CAMSAP1: variants seen among roughly 807,000 people sequenced by gnomAD.
The protein encoded by CAMSAP1 is calmodulin-regulated spectrin-associated protein 1.
CAMSAP1 carries 58 observed loss-of-function variants against 143.5 expected under a neutral mutation model. The ratio of observed to expected loss-of-function variants is 0.40; its 90% CI spans 0.33 to 0.50. The LOEUF is 0.50. CAMSAP1 is among the 20% of genes least tolerant of loss of function. CAMSAP1 has a pLI of 0.45. For missense variants in CAMSAP1, 1,969 were observed against 2,115.7 expected (o/e 0.93, Z 1.36); for synonymous variants, 945 against 859.3 (o/e 1.10, Z -1.74).
At chr9:135,833,052 A>G (rs1247029922) in intron 7 of CAMSAP1, among the ~76,000 whole-genome samples, 1 of 151,738 alleles carries the variant, frequency 6.6e-6, no homozygotes, top group African/African-American at 2.4e-5. Context: ...ATGGAACCAC[A>G]AAAGACCCAA....
At chr9:135,817,890 T>A in intron 14 of CAMSAP1, 87 bp downstream of exon 14, 2 of 983,232 alleles carry the variant, frequency 2.0e-6, no homozygotes, top group Non-Finnish European at 3.1e-6. Context: ...TACAAAAGCC[T>A]CTCTCACCGT....
chr9:135,882,295 G>T lies in CAMSAP1; in HGVS notation c.424-501C>A, dbSNP rs1055577654. Among the ~76,000 whole-genome samples the T allele has an allele frequency of 6.6e-6, 1 of 152,092 alleles. No homozygotes were observed. Among genetic ancestry groups the T allele is most frequent in the African/African-American group, 2.4e-5 (1 of 41,428 alleles). Reference sequence around the variant, plus strand: ...TCTCTTCAACCACCGCACGGCACCCGCAGTCTCACCGGGAACGCCATGGGA... The same window carrying T: ...TCTCTTCAACCACCGCACGGCACCCTCAGTCTCACCGGGAACGCCATGGGA... On this transcript the variant is annotated intron_variant, in intron 2 of 16. Transcript: ENST00000389532. The surrounding 1 kb of genome is among the most constrained non-coding windows in gnomAD (Gnocchi z 4.9).
At chr9:135,887,411 A>G (rs376482056) in intron 1 of CAMSAP1, among the ~76,000 whole-genome samples, 20 of 152,334 alleles carry the variant, frequency 1.3e-4, no homozygotes, top group African/African-American at 4.8e-4. Flanking sequence ...CACAGAAGGA[A>G]GGAAGTGAGA....
At position 135,819,693 on chromosome 9, in the gene CAMSAP1, A is replaced by T. The variant is rs562070738; in HGVS notation, c.3823-547T>A. Among the ~76,000 whole-genome samples the T allele has an allele frequency of 6.2e-3, 934 of 151,456 alleles. 6 individuals carry two copies. The highest frequency in any genetic ancestry group is 0.021 in the African/African-American group (868 of 41,290). ...CACTTAAAAAAAAAAAAAAAAAAAA[A>T]AAAATTAGCCGGGCATGGTGGCACA... On this transcript the variant is annotated intron_variant, in intron 11 of 16. Coordinates refer to ENST00000389532, the MANE Select transcript of CAMSAP1 (RefSeq NM_015447.4).
chr9:135,836,480 C>A, intron 7 of CAMSAP1: 1 of 984,716 alleles, frequency 1.0e-6, no homozygotes, highest in South Asian at 4.7e-5. Flanking sequence ...CACTTTCTAC[C>A]CTGTTCTACA....
intron 3 of CAMSAP1, among the ~76,000 whole-genome samples, chr9:135,876,811 C>G (rs1486916589): frequency 6.6e-6 from 1 of 152,092 alleles, no homozygotes; most frequent in Non-Finnish European, 1.5e-5. Flanking sequence ...GAGTTCAAGA[C>G]TAGCCTGGCC....
intron 1 of CAMSAP1, among the ~76,000 whole-genome samples, chr9:135,906,762 G>A (rs558652602): frequency 1.3e-5 from 2 of 152,126 alleles, no homozygotes; most frequent in Non-Finnish European, 2.9e-5. Context: ...AGGAGCGGAA[G>A]CCCCGACCCA....
intron 7 of CAMSAP1, among the ~76,000 whole-genome samples, chr9:135,834,280 T>A (rs1244319097): frequency 6.6e-6 from 1 of 152,240 alleles, no homozygotes; most frequent in South Asian, 2.1e-4. Context: ...AATTACCATA[T>A]GATCCAGCAA....
Position 135,907,045 on chromosome 9 carries a change from T to C in CAMSAP1, c.115A>G (p.Ile39Val), listed in dbSNP as rs1838806151. 8.3e-7 allele frequency: 1 copy of C among 1,202,856 alleles called. No individual in the cohort carries two copies. The highest frequency in any genetic ancestry group is 1.6e-5 in the African/African-American group (1 of 61,202). The allele number at this position is 1,202,856 out of a possible 1,614,324, so 74.5% of individuals were successfully genotyped here. The change falls in exon 1 of 17, where the codon ATC (isoleucine) becomes GTC (valine). Residue 39 changes from isoleucine (I) to valine (V), a missense_variant. Physicochemically the swap from Ile to Val is conservative, Grantham distance 29. This residue lies in a region of CAMSAP1 where 215 missense variants were observed against 196.2 expected (regional missense o/e 1.10). Coordinates refer to ENST00000389532, the MANE Select transcript of CAMSAP1 (RefSeq NM_015447.4). ...LDRYDAARAK[I>V]AANLQWICAK... is the part of the protein sequence containing the mutation. ...CAGATCCACTGCAGGTTGGCGGCGATCTTGGCGCGCGCCGCGTCGTAGCGG... is the reference window on the plus strand; with the variant it reads ...CAGATCCACTGCAGGTTGGCGGCGACCTTGGCGCGCGCCGCGTCGTAGCGG...
intron 5 of CAMSAP1, among the ~76,000 whole-genome samples, chr9:135,854,832 C>A (rs540103098): frequency 1.3e-5 from 2 of 152,214 alleles, no homozygotes; most frequent in Admixed American, 6.5e-5. Flanking sequence ...TAACCTCATG[C>A]CACGGGGGTT....
chr9:135,846,859 C>T (rs1220639441), intron 7 of CAMSAP1, among the ~76,000 whole-genome samples: 2 of 151,892 alleles, frequency 1.3e-5, no homozygotes, highest in Admixed American at 6.6e-5. Flanking sequence ...GTTAGAATGG[C>T]GATCATTAAA....
At chr9:135,833,000 T>C (rs759342092) in intron 7 of CAMSAP1, among the ~76,000 whole-genome samples, 2 of 150,760 alleles carry the variant, frequency 1.3e-5, no homozygotes, top group African/African-American at 4.9e-5. Context: ...AAAATCCCAA[T>C]GGCATTTTCC....
At chr9:135,888,578 G>C (rs1471472628) in intron 1 of CAMSAP1, among the ~76,000 whole-genome samples, 1 of 152,196 alleles carries the variant, frequency 6.6e-6, no homozygotes, top group Non-Finnish European at 1.5e-5. Context: ...AGCCACCTGG[G>C]AGCTGAGACC....
intron 1 of CAMSAP1, among the ~76,000 whole-genome samples, chr9:135,895,946 A>T (rs1838434210): frequency 6.6e-6 from 1 of 152,246 alleles, no homozygotes. Flanking sequence ...TCAATTAACC[A>T]ATAAGAAGTC....
intron 7 of CAMSAP1, among the ~76,000 whole-genome samples, chr9:135,832,128 A>C (rs1835879704): frequency 6.6e-6 from 1 of 152,196 alleles, no homozygotes; most frequent in Non-Finnish European, 1.5e-5. Flanking sequence ...AAAGAAAACT[A>C]CAGGCCAATA....
intron 7 of CAMSAP1, among the ~76,000 whole-genome samples, chr9:135,843,525 A>T (rs563574252): frequency 5.3e-5 from 8 of 152,188 alleles, no homozygotes; most frequent in Non-Finnish European, 1.0e-4. Flanking sequence ...TAAACCAACA[A>T]AGATCAAAAA....
intron 7 of CAMSAP1, among the ~76,000 whole-genome samples, chr9:135,833,399 CA>C (rs1169471030): frequency 6.6e-6 from 1 of 152,118 alleles, no homozygotes; most frequent in Non-Finnish European, 1.5e-5. Context: ...TGAAAAAGAA[CA>C]ACAAAGGCAA....
chr9:135,844,567 CA>C (rs1836482663), intron 7 of CAMSAP1, among the ~76,000 whole-genome samples: 2 of 151,838 alleles, frequency 1.3e-5, no homozygotes, highest in South Asian at 4.2e-4. Flanking sequence ...CAACGAAATT[CA>C]AAATGAATCC....
At chr9:135,857,780 TGA>T (rs1384966941) in intron 5 of CAMSAP1, among the ~76,000 whole-genome samples, 2 of 152,166 alleles carry the variant, frequency 1.3e-5, no homozygotes, top group African/African-American at 4.8e-5. Context: ...TGGAGTCAAG[TGA>T]GAGAGACGGT....
Sources: allele counts gnomAD v4.1 joint callset (sites outside exome capture counted in the v4.1 genomes callset), GRCh38; gene constraint gnomAD v4.1.1; regional missense constraint gnomAD v4.1.1; non-coding constraint Gnocchi (gnomAD v3.1); transcripts MANE v1.5; gene names NCBI Gene and HGNC (gene_info 2026-07-23, HGNC 2026-07-21).